The following YEATS2 variants were observed in gnomAD, a reference collection of about 807,000 sequenced individuals.
YEATS2 encodes YEATS domain containing 2.
YEATS2 carries 77 observed loss-of-function variants against 163.2 expected under a neutral mutation model. The ratio of observed to expected loss-of-function variants is 0.47; its 90% CI spans 0.39 to 0.57. The LOEUF is 0.57. Ranked by LOEUF, YEATS2 falls within the 20% of genes least tolerant of loss-of-function variation. The pLI is 0.00. For missense variants in YEATS2, 1,549 were observed against 1,729.8 expected (o/e 0.90, Z 1.85); for synonymous variants, 631 against 645.1 (o/e 0.98, Z 0.33).
intron 20 of YEATS2, 118 bp from the exon 21 acceptor site, chr3:183,790,676 AAGT>A (rs1458557117): frequency 1.9e-6 from 2 of 1,026,558 alleles, no homozygotes; most frequent in Non-Finnish European, 1.4e-6. Context: ...GGCATTTACT[AAGT>A]AGTCATTAAC....
chr3:183,732,321 C>T (rs552727838), intron 7 of YEATS2, among the ~76,000 whole-genome samples: 2 of 151,608 alleles, frequency 1.3e-5, no homozygotes, highest in Admixed American at 1.3e-4. Flanking sequence ...TGCCCGGTGG[C>T]GTGTGCCTGT....
At chr3:183,753,553 G>T (rs1720402783) in intron 10 of YEATS2, among the ~76,000 whole-genome samples, 1 of 152,154 alleles carries the variant, frequency 6.6e-6, no homozygotes, top group Admixed American at 6.5e-5. Context: ...TTCAAGACCA[G>T]CCTGGCCAAC....
At chr3:183,736,622 C>T (rs1174655244) in intron 7 of YEATS2, 96 bp from the exon 8 acceptor site, 1 of 768,804 alleles carries the variant, frequency 1.3e-6, no homozygotes, top group Non-Finnish European at 2.0e-6. Flanking sequence ...TCTCAGAAGA[C>T]AGTGAATTTC....
chr3:183,723,331 G>A (rs1389116097), intron 5 of YEATS2, among the ~76,000 whole-genome samples: 1 of 152,178 alleles, frequency 6.6e-6, no homozygotes, highest in Non-Finnish European at 1.5e-5. Flanking sequence ...TCTCAGCCAG[G>A]TGTTGACTGT....
At chr3:183,710,028 T>C (rs1452526036) in intron 1 of YEATS2, among the ~76,000 whole-genome samples, 2 of 152,218 alleles carry the variant, frequency 1.3e-5, no homozygotes, top group Non-Finnish European at 2.9e-5. Flanking sequence ...AGTCTTATTT[T>C]AGTCGCAGCG....
chr3:183,751,032 G>T (rs1490894148), intron 9 of YEATS2, among the ~76,000 whole-genome samples: 1 of 152,152 alleles, frequency 6.6e-6, no homozygotes, highest in Non-Finnish European at 1.5e-5. Flanking sequence ...CAAATTCAGT[G>T]TCATGAAGCT....
intron 1 of YEATS2, among the ~76,000 whole-genome samples, chr3:183,709,675 A>ATTTT (rs774989436): frequency 1.6e-5 from 2 of 125,162 alleles, no homozygotes; most frequent in South Asian, 2.5e-4. Flanking sequence ...AATGAGATAA[A>ATTTT]TTTTTTTTTT....
At chr3:183,778,061 G>C (rs1258540817) in intron 19 of YEATS2, among the ~76,000 whole-genome samples, 1 of 144,550 alleles carries the variant, frequency 6.9e-6, no homozygotes, top group Non-Finnish European at 1.5e-5. Flanking sequence ...GCAGTGAGCC[G>C]AGATCGTGCC....
intron 1 of YEATS2, among the ~76,000 whole-genome samples, chr3:183,703,535 A>AT (rs1285521107): frequency 6.6e-6 from 1 of 152,198 alleles, no homozygotes; most frequent in Non-Finnish European, 1.5e-5. Context: ...CAAAATGAGC[A>AT]TAACTTTGGA....
At position 183,773,802 on chromosome 3, in the gene YEATS2, A is replaced by G; in HGVS notation, c.2368+8A>G. On this transcript the variant is annotated splice_region_variant and intron_variant, in intron 17 of 30. Transcript: ENST00000305135. ...GAGCTACGAACAATGCTAGTTAGTG[A>G]AACCATTGGGTTGAATCATTTGGTT... 2 of 1,600,444 alleles carry G rather than the reference A, an allele frequency of 1.2e-6. No individual in the cohort carries two copies. Among genetic ancestry groups the G allele is most frequent in the Non-Finnish European group, 1.7e-6 (2 of 1,175,606 alleles).
At chr3:183,743,982 A>G (rs1047221729) in intron 8 of YEATS2, among the ~76,000 whole-genome samples, 3 of 152,166 alleles carry the variant, frequency 2.0e-5, no homozygotes, top group African/African-American at 4.8e-5. Flanking sequence ...AAAGATTACC[A>G]TAAGACTAGG....
intron 1 of YEATS2, among the ~76,000 whole-genome samples, chr3:183,707,575 A>G (rs958190863): frequency 1.3e-5 from 2 of 152,186 alleles, no homozygotes; most frequent in African/African-American, 4.8e-5. Context: ...AAGACTGTAG[A>G]AAGGACAGGG....
chr3:183,754,048 T>G, intron 10 of YEATS2, 78 bp from the exon 11 acceptor site: 1 of 1,455,670 alleles, frequency 6.9e-7, no homozygotes, highest in Non-Finnish European at 9.1e-7. Flanking sequence ...TAATGCATTT[T>G]TATTCTTTTT....
In YEATS2 at chr3:183,808,111, G is replaced by A. The variant is rs1179469497; in HGVS notation, c.4086+7G>A. The A allele has an allele frequency of 3.9e-6, 6 of 1,550,050 alleles. No individual in the cohort carries two copies. The highest frequency in any genetic ancestry group is 5.2e-6 in the Non-Finnish European group (6 of 1,145,550). Reference sequence around the variant, plus strand: ...GGAGGACATGATCCTGAAGGTGGGTGCCTGCAGGGGCCGCCAGCCAGGAAG... The same window carrying A: ...GGAGGACATGATCCTGAAGGTGGGTACCTGCAGGGGCCGCCAGCCAGGAAG... On this transcript the variant is annotated splice_region_variant and intron_variant, in intron 29 of 30. Transcript: ENST00000305135.
rs577403110 is a variant in YEATS2, at chr3:183,783,479, G to T, written c.2737-2646G>T. ...CATGGGTATATTGCATGATGCTGAG[G>T]CTAGGGTCATGATTGATCTTGTCAC... On this transcript the variant is annotated intron_variant, in intron 19 of 30. Coordinates refer to ENST00000305135, the MANE Select transcript of YEATS2 (RefSeq NM_018023.5). 7.9e-5 allele frequency among the ~76,000 whole-genome samples: 12 copies of T among 152,298 alleles called. No homozygotes were observed. In the South Asian group the frequency reaches 2.5e-3, roughly 32 times the overall value.
chr3:183,803,460 A>AG, intron 26 of YEATS2, 125 bp downstream of exon 26: 1 of 1,018,878 alleles, frequency 9.8e-7, no homozygotes, highest in South Asian at 1.6e-5. Context: ...GTTAAAAAAA[A>AG]TCTCATTTTT....
intron 1 of YEATS2, among the ~76,000 whole-genome samples, chr3:183,711,398 G>A (rs906391703): frequency 1.3e-5 from 2 of 151,312 alleles, no homozygotes; most frequent in African/African-American, 2.4e-5. Flanking sequence ...GCGTGAACCC[G>A]GGAGGTGGAG....
chr3:183,790,773 G>A (rs1332779483), intron 20 of YEATS2, 24 bp from the exon 21 acceptor site: 1 of 1,607,158 alleles, frequency 6.2e-7, no homozygotes, highest in African/African-American at 1.3e-5. Flanking sequence ...GAACTGTGTT[G>A]TTTCGGACCC....
At chr3:183,709,200 T>G (rs1243938243) in intron 1 of YEATS2, among the ~76,000 whole-genome samples, 3 of 152,160 alleles carry the variant, frequency 2.0e-5, no homozygotes, top group Non-Finnish European at 4.4e-5. Flanking sequence ...TTTCTAACCT[T>G]TGTCAAAAAC....
Sources: gnomAD v4.1 joint callset for allele counts (sites outside exome capture counted in the v4.1 genomes callset) on GRCh38, gnomAD v4.1.1 for gene constraint, MANE v1.5 for transcripts, NCBI Gene and HGNC (gene_info 2026-07-23, HGNC 2026-07-21) for gene names.